The following POR variants were observed in gnomAD, a reference collection of about 807,000 sequenced individuals.
The protein encoded by POR is cytochrome p450 oxidoreductase, also known as NADPH--cytochrome P450 reductase.
POR carries 56 observed loss-of-function variants against 84.0 expected under a neutral mutation model. The observed-to-expected ratio is 0.67, with a 90% CI of 0.54 to 0.83. The LOEUF (loss-of-function observed/expected upper bound fraction) is 0.83. Ranked by LOEUF, POR falls within the 40% of genes least tolerant of loss-of-function variation. The pLI is 0.00. For missense variants in POR, 938 were observed against 944.3 expected (o/e 0.99, Z 0.09); for synonymous variants, 414 against 400.5 (o/e 1.03, Z -0.40).
chr7:75,922,684 T>G, intron 1 of POR: 1 of 279,858 alleles, frequency 3.6e-6, no homozygotes, highest in African/African-American at 2.3e-5. Flanking sequence ...GGACTTTAGT[T>G]TTCCATCCAG....
intron 2 of POR, among the ~76,000 whole-genome samples, chr7:75,963,510 C>T (rs973903621): frequency 5.3e-5 from 8 of 152,184 alleles, no homozygotes; most frequent in Non-Finnish European, 8.8e-5. Flanking sequence ...CGGGAACTGT[C>T]GGGTACTGCC....
At chr7:75,919,816 A>G (rs1806765463) in intron 1 of POR, among the ~76,000 whole-genome samples, 2 of 152,080 alleles carry the variant, frequency 1.3e-5, no homozygotes, top group South Asian at 4.1e-4. Flanking sequence ...TGATGTGGGA[A>G]GCTTATTTAT....
rs559379742 is a variant in POR at position 75,981,529 on chromosome 7, C to T, written c.654C>T (p.Asp218=). The change falls in exon 7 of 16, where the codon GAC becomes GAT. Residue 218 remains aspartate, a synonymous_variant. Coordinates refer to ENST00000461988, the MANE Select transcript of POR (RefSeq NM_000941.3). ...CTCCTCGGCCCAGCTTGGAGGAGGA[C>T]TTCATCACCTGGCGAGAGCAGTTCT... 1.2e-6 allele frequency: 2 copies of T among 1,612,640 alleles called. No individual in the cohort carries two copies. The highest frequency in any genetic ancestry group is 1.7e-5 in the Admixed American group (1 of 59,870).
rs372930296 is a variant in POR at position 75,986,380 on chromosome 7, G to C, written c.1942G>C (p.Asp648His). Reference sequence around the variant, plus strand: ...CAGGGATGTGCAGAACACCTTCTACGACATCGTGGCTGAGCTCGGGGCCAT... The same window carrying C: ...CAGGGATGTGCAGAACACCTTCTACCACATCGTGGCTGAGCTCGGGGCCAT... Residue 648 changes from aspartate (D) to histidine (H), a missense_variant, in exon 16 of 16, where the codon GAC (aspartate) becomes CAC (histidine). Transcript: ENST00000461988. 3 of 1,612,568 alleles carry C rather than the reference G, an allele frequency of 1.9e-6. No individual in the cohort carries two copies. The highest frequency in any genetic ancestry group is 4.5e-5 in the East Asian group (2 of 44,874).
chr7:75,986,587 C>CCCATGCCA lies in POR; in HGVS notation c.*106_*107insCCATGCCA. 7.2e-7 allele frequency: 1 copy of CCCATGCCA among 1,396,172 alleles called. No individual in the cohort carries two copies. Among genetic ancestry groups the CCCATGCCA allele is most frequent in the Non-Finnish European group, 9.7e-7 (1 of 1,034,254 alleles). 86.5% of individuals were successfully genotyped at this position (1,396,172 alleles called of 1,614,324 possible). ...GTTTGGCTTGGCCTTGGCATGGGCG[C>CCCATGCCA]AGGCCCAGTGACAAAGACTCCTCTG... On this transcript the variant is annotated 3_prime_UTR_variant, in exon 16 of 16. Coordinates refer to ENST00000461988, the MANE Select transcript of POR (RefSeq NM_000941.3).
intron 3 of POR, among the ~76,000 whole-genome samples, chr7:75,976,857 G>A (rs1186892357): frequency 4.6e-5 from 7 of 151,608 alleles, no homozygotes; most frequent in Admixed American, 4.6e-4. Flanking sequence ...TTTTGGTGGT[G>A]GTTTTGTTTT....
chr7:75,949,898 G>A (rs1286811774), intron 1 of POR, among the ~76,000 whole-genome samples: 1 of 147,900 alleles, frequency 6.8e-6, no homozygotes, highest in African/African-American at 2.5e-5. Context: ...TCGCTCTGTC[G>A]CCCAGGCTGG....
chr7:75,943,502 T>C (rs781883237), intron 1 of POR, among the ~76,000 whole-genome samples: 2 of 152,184 alleles, frequency 1.3e-5, no homozygotes, highest in Non-Finnish European at 2.9e-5. Flanking sequence ...CCTTGTTCGA[T>C]CACATATAAT....
intron 1 of POR, among the ~76,000 whole-genome samples, chr7:75,935,178 C>G (rs545085484): frequency 1.2e-4 from 19 of 152,222 alleles, no homozygotes; most frequent in African/African-American, 4.3e-4. Flanking sequence ...ACCAGCACGC[C>G]CTGGATGTGA....
Sources: allele counts gnomAD v4.1 joint callset (sites outside exome capture counted in the v4.1 genomes callset), GRCh38; gene constraint gnomAD v4.1.1; transcripts MANE v1.5; gene names NCBI Gene and HGNC (gene_info 2026-07-23, HGNC 2026-07-21).